The following CACNA1E variants were observed in gnomAD, a reference collection of about 807,000 sequenced individuals.
CACNA1E encodes calcium voltage-gated channel subunit alpha1 E.
Under a neutral mutation model 259.2 loss-of-function variants are expected in CACNA1E, and 40 were observed. The observed-to-expected ratio is 0.15, with a 90% CI of 0.12 to 0.20. CACNA1E has a LOEUF of 0.20. CACNA1E is among the 10% of genes least tolerant of loss of function. The pLI is 1.00. For missense variants in CACNA1E, 1,874 were observed against 3,040.1 expected, an observed-to-expected ratio of 0.62 and a Z score of 9.02; for synonymous variants, 1,104 against 1,138.5, an observed-to-expected ratio of 0.97 and a Z score of 0.61.
At chr1:181,419,337 A>G (rs1658539882) in intron 2 of CACNA1E, among the ~76,000 whole-genome samples, 1 of 151,742 alleles carries the variant, frequency 6.6e-6, no homozygotes, top group Non-Finnish European at 1.5e-5. Flanking sequence ...ATGTACTCAG[A>G]CCTCCCACAT....
intron 1 of CACNA1E, among the ~76,000 whole-genome samples, chr1:181,339,821 A>G (rs1318646678): frequency 6.6e-6 from 1 of 152,046 alleles, no homozygotes; most frequent in Non-Finnish European, 1.5e-5. Context: ...GTTTCCTATT[A>G]ATTTGTAGAC....
chr1:181,322,525 G>T (rs117680110), intron 1 of CACNA1E, among the ~76,000 whole-genome samples: 1 of 152,208 alleles, frequency 6.6e-6, no homozygotes. Context: ...CCTGGCAGAA[G>T]CGAAGATGTG....
At chr1:181,521,297 G>T (rs1268820361) in intron 3 of CACNA1E, among the ~76,000 whole-genome samples, 1 of 152,200 alleles carries the variant, frequency 6.6e-6, no homozygotes. Context: ...AGCTGGCCTT[G>T]GAGAGTCCTT....
chr1:181,724,704 T>C (rs1358971787), intron 17 of CACNA1E, among the ~76,000 whole-genome samples, 167 bp downstream of exon 17: 9 of 152,250 alleles, frequency 5.9e-5, no homozygotes, highest in Admixed American at 5.9e-4. Context: ...GACGGAAGGC[T>C]GGTTCACTTT....
chr1:181,607,143 T>C (rs769104583), intron 6 of CACNA1E, among the ~76,000 whole-genome samples: 3 of 152,002 alleles, frequency 2.0e-5, no homozygotes, highest in African/African-American at 4.8e-5. Context: ...ATCGTAGAGG[T>C]TGAATAAATG....
Position 181,575,637 on chromosome 1 carries a change from T to G in CACNA1E, c.513-2129T>G, listed in dbSNP as rs1558144040. On this transcript the variant is annotated intron_variant, in intron 3 of 47. Transcript: ENST00000367573. ...AAACTCAGGGTTGGAGAGGAAATTT[T>G]CATTTCCAACAGGGCTTTTTATGAT... 2.0e-5 allele frequency among the ~76,000 whole-genome samples: 3 copies of G among 152,338 alleles called. No individual in the cohort carries two copies. The South Asian group carries it at 6.2e-4, about 32-fold the overall frequency.
intron 3 of CACNA1E, among the ~76,000 whole-genome samples, chr1:181,573,411 G>C (rs760410379): frequency 6.6e-6 from 1 of 152,124 alleles, no homozygotes; most frequent in Non-Finnish European, 1.5e-5. Flanking sequence ...GTACTTACAA[G>C]GCCCATAGTT....
At chr1:181,666,298 T>A (rs555440423) in intron 7 of CACNA1E, among the ~76,000 whole-genome samples, 10 of 152,240 alleles carry the variant, frequency 6.6e-5, no homozygotes, top group African/African-American at 2.2e-4. Context: ...TTTCAATAGA[T>A]GTTGAGCTTC....
intron 1 of CACNA1E, among the ~76,000 whole-genome samples, chr1:181,332,531 C>T (rs890935051): frequency 9.9e-5 from 15 of 152,118 alleles, no homozygotes; most frequent in African/African-American, 2.6e-4. Context: ...CTCTTTTGTT[C>T]GGCCTATAAA....
chr1:181,759,743 T>C (rs1485000965), intron 32 of CACNA1E, among the ~76,000 whole-genome samples: 2 of 152,182 alleles, frequency 1.3e-5, no homozygotes, highest in Non-Finnish European at 2.9e-5. Flanking sequence ...TCAAATTACA[T>C]GTGTGTATGG....
intron 37 of CACNA1E, among the ~76,000 whole-genome samples, chr1:181,774,621 C>T (rs1659810135): frequency 6.6e-6 from 1 of 152,232 alleles, no homozygotes; most frequent in Non-Finnish European, 1.5e-5. Flanking sequence ...CCTAGACCTC[C>T]AGCCATCCAT....
intron 1 of CACNA1E, among the ~76,000 whole-genome samples, chr1:181,406,355 C>A (rs1286781407): frequency 6.6e-6 from 1 of 151,982 alleles, no homozygotes; most frequent in Admixed American, 6.6e-5. Context: ...GTTCTATGAG[C>A]TTCTGTATTT....
chr1:181,784,821 C>A, intron 41 of CACNA1E, 53 bp downstream of exon 41: 1 of 1,119,574 alleles, frequency 8.9e-7, no homozygotes, highest in Non-Finnish European at 1.3e-6. Flanking sequence ...CATGTGAAGA[C>A]TACGTCTTTG....
chr1:181,391,175 G>C (rs192650421), intron 1 of CACNA1E, among the ~76,000 whole-genome samples: 82 of 152,244 alleles, frequency 5.4e-4, no homozygotes, highest in Non-Finnish European at 9.1e-4. Flanking sequence ...TGAGACTACT[G>C]AAAAAGCCTC....
intron 35 of CACNA1E, among the ~76,000 whole-genome samples, chr1:181,770,886 C>A (rs990770800): frequency 6.6e-6 from 1 of 152,138 alleles, no homozygotes; most frequent in Non-Finnish European, 1.5e-5. Flanking sequence ...ATCATGACTA[C>A]CTGAGACAGG....
intron 1 of CACNA1E, among the ~76,000 whole-genome samples, chr1:181,324,678 G>A (rs1650632523): frequency 6.6e-6 from 1 of 152,168 alleles, no homozygotes; most frequent in African/African-American, 2.4e-5. Flanking sequence ...TTTGTGGAAG[G>A]AAGATCCTGT....
chr1:181,580,632 T>C lies in CACNA1E; in HGVS notation c.807T>C (p.Gly269=), dbSNP rs773089635. The change falls in exon 6 of 48, where the codon GGT becomes GGC. Residue 269 remains glycine, a synonymous_variant. Coordinates refer to ENST00000367573, the MANE Select transcript of CACNA1E (RefSeq NM_001205293.3). ...GATTTGACCCCCCTCACCCATGTGG[T>C]GTGCAGGGCTGCCCAGCTGGTTATG... ...LEGFDPPHPC[G]VQGCPAGYEC... The C allele has an allele frequency of 1.9e-6, 3 of 1,614,050 alleles. No individual in the cohort carries two copies. In the South Asian group the frequency reaches 3.3e-5, roughly 18 times the overall value.
chr1:181,441,018 A>G (rs1660436607), intron 2 of CACNA1E, among the ~76,000 whole-genome samples: 1 of 130,192 alleles, frequency 7.7e-6, no homozygotes, highest in African/African-American at 3.3e-5. Context: ...AAAAAAAAAA[A>G]AGCGCCCAGC....
chr1:181,367,305 C>A (rs975822481), intron 1 of CACNA1E, among the ~76,000 whole-genome samples: 1 of 152,088 alleles, frequency 6.6e-6, no homozygotes, highest in African/African-American at 2.4e-5. Flanking sequence ...TTGTCACCGT[C>A]TCATCTCTCC....
Sources: allele counts gnomAD v4.1 joint callset (sites outside exome capture counted in the v4.1 genomes callset), GRCh38; gene constraint gnomAD v4.1.1; transcripts MANE v1.5; gene names NCBI Gene and HGNC (gene_info 2026-07-23, HGNC 2026-07-21).